ICE2: variants seen among roughly 807,000 people sequenced by gnomAD.
ICE2 encodes the protein little elongation complex subunit 2.
In ICE2, 87 loss-of-function variants were observed where a neutral mutation model predicts 105.4. The observed-to-expected ratio is 0.83, with a 90% CI of 0.69 to 0.99. The LOEUF (loss-of-function observed/expected upper bound fraction) is 0.99, where lower values mean the gene tolerates loss of function less well. Ranked by LOEUF, ICE2 falls within the 50% of genes least tolerant of loss-of-function variation. The pLI is 0.00. For missense variants in ICE2, 1,323 were observed against 1,146.7 expected (o/e 1.15, Z -2.22); for synonymous variants, 399 against 392.0 (o/e 1.02, Z -0.21).
intron 12 of ICE2, among the ~76,000 whole-genome samples, chr15:60,437,168 T>C (rs1317034582): frequency 1.3e-5 from 2 of 151,746 alleles, no homozygotes; most frequent in African/African-American, 2.4e-5. Context: ...GGCAGGATAA[T>C]TGTTTGAACC....
At position 60,477,927 on chromosome 15, in the gene ICE2, T is replaced by A; in HGVS notation, c.41+10A>T. ...CCTCTTCAGTGGATTACAAAGTGGC[T>A]ACAACTCACCAATTCAGTCCTGGTT... is the stretch of plus-strand genomic sequence containing the variant. On this transcript the variant is annotated intron_variant, in intron 2 of 15. Coordinates refer to ENST00000261520, the MANE Select transcript of ICE2 (RefSeq NM_024611.6). 3.1e-6 allele frequency: 5 copies of A among 1,612,906 alleles called. No individual in the cohort carries two copies. The South Asian group carries it at 4.4e-5, about 14-fold the overall frequency.
intron 3 of ICE2, among the ~76,000 whole-genome samples, chr15:60,475,506 A>C (rs1017963865): frequency 2.0e-5 from 3 of 152,240 alleles, no homozygotes; most frequent in Admixed American, 2.0e-4. Context: ...ACACAAGACT[A>C]GTTAAATGAA....
chr15:60,464,475 T>C (rs944944058), intron 5 of ICE2, among the ~76,000 whole-genome samples: 4 of 152,144 alleles, frequency 2.6e-5, no homozygotes, highest in Admixed American at 1.3e-4. Context: ...GACACCCTCA[T>C]TGATAGGTGA....
chr15:60,472,872 G>A (rs922864775), intron 3 of ICE2, among the ~76,000 whole-genome samples: 4 of 151,952 alleles, frequency 2.6e-5, no homozygotes, highest in African/African-American at 9.7e-5. Context: ...ATTAATACCT[G>A]AAATTTTTAG....
chr15:60,457,084 AAC>A (rs2064147744), intron 5 of ICE2, among the ~76,000 whole-genome samples: 2 of 152,310 alleles, frequency 1.3e-5, no homozygotes, highest in East Asian at 3.9e-4. Flanking sequence ...TGAAAATTTC[AAC>A]ACACTTTTCT....
chr15:60,441,027 T>C (rs1207544439), intron 12 of ICE2: 10 of 152,230 alleles, frequency 6.6e-5, no homozygotes, highest in Non-Finnish European at 1.0e-4. Context: ...CCTTAATTTT[T>C]TTTTTTGTCA....
intron 3 of ICE2, among the ~76,000 whole-genome samples, chr15:60,475,730 GTACTA>G (rs1286515043): frequency 2.6e-5 from 4 of 151,922 alleles, no homozygotes; most frequent in African/African-American, 4.8e-5. Flanking sequence ...ATACTGCTTA[GTACTA>G]TACTAAACAA....
chr15:60,455,460 AT>A lies in ICE2; in HGVS notation c.667-19del. On this transcript the variant is annotated intron_variant, in intron 6 of 15. Coordinates refer to ENST00000261520, the MANE Select transcript of ICE2 (RefSeq NM_024611.6). Reference sequence around the variant, plus strand: ...ACACTGCCCTAAATATGAAAAAAAAATCATTTTATTGCAAAAATCGCAATGT... The same window carrying A: ...ACACTGCCCTAAATATGAAAAAAAAACATTTTATTGCAAAAATCGCAATGT... 1.3e-6 allele frequency: 2 copies of A among 1,506,900 alleles called. No homozygotes were observed. Among genetic ancestry groups the A allele is most frequent in the Non-Finnish European group, 1.8e-6 (2 of 1,093,684 alleles). 93.3% of individuals were successfully genotyped at this position (1,506,900 alleles called of 1,614,324 possible). A position where few individuals can be genotyped will look rare whatever the true frequency, so the allele number is the denominator to read the frequency against.
chr15:60,429,021 A>G (rs1321642036), intron 14 of ICE2, among the ~76,000 whole-genome samples: 1 of 152,220 alleles, frequency 6.6e-6, no homozygotes, highest in Non-Finnish European at 1.5e-5. Flanking sequence ...TATACTGAAA[A>G]GCATTCCTAC....
At chr15:60,475,746 TTATTAG>T (rs1224059924) in intron 3 of ICE2, among the ~76,000 whole-genome samples, 3 of 152,112 alleles carry the variant, frequency 2.0e-5, no homozygotes, top group African/African-American at 7.2e-5. Context: ...TACTAAACAA[TTATTAG>T]TATAATATTG....
chr15:60,449,457 G>T lies in ICE2; in HGVS notation c.1510C>A (p.Gln504Lys). The T allele has an allele frequency of 6.2e-7, 1 of 1,614,038 alleles. No homozygotes were observed. The highest frequency in any genetic ancestry group is 8.5e-7 in the Non-Finnish European group (1 of 1,179,994). Reference sequence around the variant, plus strand: ...TCAGATGTTTTCAAGTCACTATCTTGTATCAAAGGCTTGTCAGAATTTGAT... The same window carrying T: ...TCAGATGTTTTCAAGTCACTATCTTTTATCAAAGGCTTGTCAGAATTTGAT... ...KVSNSDKPLI[Q>K]DSDLKTSDAL... The change falls in exon 10 of 16, where the codon CAA (glutamine) becomes AAA (lysine). Residue 504 changes from glutamine (Q) to lysine (K), a missense_variant. Physicochemically the swap from Gln to Lys is moderately conservative, Grantham distance 53. Coordinates refer to ENST00000261520, the MANE Select transcript of ICE2 (RefSeq NM_024611.6).
At position 60,468,035 on chromosome 15, in the gene ICE2, C is replaced by A. The variant is rs769132351; in HGVS notation, c.408+26G>T. The A allele has an allele frequency of 2.7e-6, 4 of 1,469,708 alleles. No homozygotes were observed. In the Admixed American group the frequency reaches 9.5e-5, roughly 35 times the overall value. The allele number at this position is 1,469,708 out of a possible 1,614,324, so 91.0% of individuals were successfully genotyped here. ...ATTTCCTAATTTTTATTATTTTTTCCTGAAACTGAAGAACACAATACATAC... is the reference window on the plus strand; with the variant it reads ...ATTTCCTAATTTTTATTATTTTTTCATGAAACTGAAGAACACAATACATAC... On this transcript the variant is annotated intron_variant, in intron 4 of 15. Transcript: ENST00000261520.
At chr15:60,441,081 G>C (rs569251232) in intron 12 of ICE2, 1 of 151,436 alleles carries the variant, frequency 6.6e-6, no homozygotes, top group African/African-American at 2.4e-5. Context: ...AATTTCACTC[G>C]TAAGTTTTTA....
In ICE2 at chr15:60,423,624, G is replaced by T; in HGVS notation, c.*10C>A. On this transcript the variant is annotated 3_prime_UTR_variant, in exon 16 of 16. Transcript: ENST00000261520. ...TGTTTTTTTAAATTTAGTTTTCCAT[G>T]GTACAGTCCTCAAGTTATTTTTCTT... 1 of 1,593,200 alleles carries T rather than the reference G, an allele frequency of 6.3e-7. No homozygotes were observed. Among genetic ancestry groups the T allele is most frequent in the East Asian group, 2.3e-5 (1 of 43,082 alleles).
chr15:60,436,766 TGAG>T (rs140449844), intron 12 of ICE2, among the ~76,000 whole-genome samples: 3,281 of 150,000 alleles, frequency 0.022, 138 homozygotes, highest in African/African-American at 0.076. Flanking sequence ...ATGGCGTTTA[TGAG>T]GAGAATTATC....
intron 6 of ICE2, 109 bp downstream of exon 6, chr15:60,456,548 A>AAATAAAT (rs1555412824): frequency 1.3e-5 from 1 of 75,746 alleles, no homozygotes; most frequent in African/African-American, 3.6e-5. Flanking sequence ...TCCAAAAAAA[A>AAATAAAT]AAATAAATAA....
intron 9 of ICE2, chr15:60,452,978 C>A (rs1023252476): frequency 1.8e-5 from 18 of 983,902 alleles, no homozygotes; most frequent in Non-Finnish European, 1.8e-5. Flanking sequence ...CGCCTGTAAT[C>A]CCAGCACTTT....
At chr15:60,478,290 T>C (rs1017714893) in intron 1 of ICE2, among the ~76,000 whole-genome samples, 1 of 152,288 alleles carries the variant, frequency 6.6e-6, no homozygotes, top group Non-Finnish European at 1.5e-5. Flanking sequence ...CTCAGGACAC[T>C]CACTATGGAA....
intron 5 of ICE2, among the ~76,000 whole-genome samples, chr15:60,459,940 C>T (rs374059453): frequency 4.0e-5 from 6 of 151,842 alleles, no homozygotes; most frequent in Non-Finnish European, 5.9e-5. Context: ...CAATATATAC[C>T]GTCATCATAA....
Sources: gnomAD v4.1 joint callset for allele counts (sites outside exome capture counted in the v4.1 genomes callset) on GRCh38, gnomAD v4.1.1 for gene constraint, MANE v1.5 for transcripts, NCBI Gene and HGNC (gene_info 2026-07-23, HGNC 2026-07-21) for gene names.